The following EPG5 variants were observed in gnomAD, a reference collection of about 807,000 sequenced individuals.
EPG5 encodes ectopic P-granules 5 autophagy tethering factor.
EPG5 carries 159 observed loss-of-function variants against 302.7 expected under a neutral mutation model. That is an observed-to-expected ratio of 0.53 (90% CI 0.46 to 0.60). The LOEUF is 0.60. EPG5 is among the 20% of genes least tolerant of loss of function. The probability of loss-of-function intolerance (pLI) is 0.00; values close to 1 mark genes in which losing one functional copy is unlikely to be tolerated. For missense variants in EPG5, 2,896 were observed against 3,092.4 expected, an observed-to-expected ratio of 0.94 and a Z score of 1.51; for synonymous variants, 1,158 against 1,136.8, an observed-to-expected ratio of 1.02 and a Z score of -0.37.
intron 35 of EPG5, among the ~76,000 whole-genome samples, chr18:45,871,550 T>C (rs2048872020): frequency 6.6e-6 from 1 of 152,170 alleles, no homozygotes; most frequent in Non-Finnish European, 1.5e-5. Flanking sequence ...AAAAGATGAA[T>C]GGATTTTTCT....
chr18:45,953,855 C>T (rs2050964760), intron 2 of EPG5: 2 of 985,286 alleles, frequency 2.0e-6, no homozygotes, highest in African/African-American at 3.5e-5. Flanking sequence ...CCATGGAGGC[C>T]AAAGTGATCA....
chr18:45,848,720 G>A lies in EPG5; in HGVS notation c.*3747C>T, dbSNP rs1244796408. On this transcript the variant is annotated 3_prime_UTR_variant, in exon 44 of 44. Coordinates refer to ENST00000282041, the MANE Select transcript of EPG5 (RefSeq NM_020964.3). The stretch of plus-strand genomic sequence containing the variant: ...GGGCACACCCCTTTTAGGATAACAC[G>A]GACTAATTTGGACACTTTCCCCAAA... The A allele has an allele frequency of 2.0e-5, 3 of 152,230 alleles. No homozygotes were observed. Among genetic ancestry groups the A allele is most frequent in the African/African-American group, 7.2e-5 (3 of 41,452 alleles). 9.4% of individuals were successfully genotyped at this position (152,230 alleles called of 1,614,324 possible).
chr18:45,873,034 A>G (rs934868938), intron 35 of EPG5, among the ~76,000 whole-genome samples: 2 of 152,190 alleles, frequency 1.3e-5, no homozygotes, highest in African/African-American at 4.8e-5. Flanking sequence ...GAGCTAGTGG[A>G]TCAGATAACC....
chr18:45,913,624 A>G lies in EPG5; in HGVS notation c.3816+82T>C, dbSNP rs77613793. ...CATTCACAACAAAATAAAACACAAA[A>G]GCTCAAAAGCTACGGGTGAATCCAT... On this transcript the variant is annotated intron_variant, in intron 21 of 43. Transcript: ENST00000282041. 5.6e-3 allele frequency: 8,551 copies of G among 1,525,484 alleles called. 360 individuals carry two copies. The East Asian group carries it at 0.11, about 20-fold the overall frequency. The allele number at this position is 1,525,484 out of a possible 1,614,324, so 94.5% of individuals were successfully genotyped here.
chr18:45,840,150 G>A, the EPG5 span: 2 of 1,592,298 alleles, frequency 1.3e-6, no homozygotes, highest in Non-Finnish European at 8.6e-7. Flanking sequence ...GTGGGGGTGG[G>A]CGCACAGGCT....
chr18:45,950,792 C>T (rs150933459), intron 4 of EPG5, among the ~76,000 whole-genome samples: 1 of 152,310 alleles, frequency 6.6e-6, no homozygotes, highest in African/African-American at 2.4e-5. Context: ...GAATCCTCAA[C>T]CTGTACCTAT....
At chr18:45,837,623 G>C in the EPG5 span, 11 of 1,508,548 alleles carry the variant, frequency 7.3e-6, no homozygotes, top group Admixed American at 1.9e-4. Context: ...CCACTACGAC[G>C]GGCCGCTGAC....
At chr18:45,825,805 C>T in the EPG5 span, 2 of 1,613,940 alleles carry the variant, frequency 1.2e-6, no homozygotes, top group African/African-American at 1.3e-5. Context: ...CTCTCTCTGG[C>T]CCATGCTCGG....
Position 45,951,200 on chromosome 18 carries a change from G to A in EPG5, c.1291C>T (p.Gln431Ter). Residue 431 changes from glutamine to a stop codon, truncating the protein, a stop_gained, in exon 4 of 44, where the codon CAA becomes TAA. Transcript: ENST00000282041. LOFTEE classifies it high-confidence loss of function. ...QTESIPSDLC[Q>*]LKECISVLFM... is the part of the protein sequence containing the mutation. ...AAGACACTAATGCATTCCTTTAGTT[G>A]ACACAGATCAGAGGGAATGCTTTCT... The A allele has an allele frequency of 6.3e-7, 1 of 1,590,490 alleles. No individual in the cohort carries two copies. The highest frequency in any genetic ancestry group is 8.5e-7 in the Non-Finnish European group (1 of 1,169,950).
chr18:45,836,536 T>G, the EPG5 span, among the ~76,000 whole-genome samples: 1 of 151,912 alleles, frequency 6.6e-6, no homozygotes, highest in East Asian at 1.9e-4. Flanking sequence ...CACCCTGCAG[T>G]TCACCAGCCC....
At chr18:45,881,042 A>T (rs73953906) in intron 31 of EPG5, among the ~76,000 whole-genome samples, 4,880 of 152,282 alleles carry the variant, frequency 0.032, 271 homozygotes, top group African/African-American at 0.11. Context: ...GGGCTCACCC[A>T]GAGGGAATGA....
At chr18:45,847,393 G>A (rs2048374546), downstream of EPG5, among the ~76,000 whole-genome samples, 1 of 152,178 alleles carries the variant, frequency 6.6e-6, no homozygotes, top group Non-Finnish European at 1.5e-5. Flanking sequence ...ACCTCTCTGA[G>A]ATCAGCAGGT....
intron 1 of EPG5, among the ~76,000 whole-genome samples, chr18:45,959,362 C>T (rs963352413): frequency 2.6e-5 from 4 of 151,478 alleles, no homozygotes; most frequent in African/African-American, 7.3e-5. Flanking sequence ...AAATAGGGGC[C>T]GGGCCAGGCA....
In EPG5 at chr18:45,922,613, T is replaced by C. The variant is rs967901506; in HGVS notation, c.2839-13A>G. The C allele has an allele frequency of 6.2e-7, 1 of 1,612,556 alleles. No homozygotes were observed. The highest frequency in any genetic ancestry group is 1.3e-5 in the African/African-American group (1 of 74,850). On this transcript the variant is annotated splice_polypyrimidine_tract_variant and intron_variant, in intron 15 of 43. Transcript: ENST00000282041. ...CCAAATATGAAACCTAAAACAATTATTTATTTTGAGCCACATTAGTCACAC... is the reference window on the plus strand; with the variant it reads ...CCAAATATGAAACCTAAAACAATTACTTATTTTGAGCCACATTAGTCACAC...
intron 6 of EPG5, 46 bp from the exon 7 acceptor site, chr18:45,946,814 G>A (rs759357668): frequency 1.6e-5 from 24 of 1,455,250 alleles, no homozygotes; most frequent in East Asian, 6.8e-5. Context: ...TGTAGGCTAC[G>A]TGAGTGCATT....
chr18:45,862,332 T>C (rs1375251955), intron 39 of EPG5, among the ~76,000 whole-genome samples: 1 of 152,210 alleles, frequency 6.6e-6, no homozygotes, highest in Admixed American at 6.5e-5. Context: ...GCCGTCTTTT[T>C]AAATAACTGT....
the EPG5 span, chr18:45,838,028 C>T: frequency 8.5e-7 from 1 of 1,174,492 alleles, no homozygotes; most frequent in Non-Finnish European, 1.1e-6. Flanking sequence ...CTCCTCTACC[C>T]CAGGGATCTC....
chr18:45,834,919 C>G, the EPG5 span, among the ~76,000 whole-genome samples: 1 of 152,210 alleles, frequency 6.6e-6, no homozygotes, highest in Non-Finnish European at 1.5e-5. Flanking sequence ...GAGATGCTTT[C>G]TGCATCTAGA....
intron 24 of EPG5, 100 bp from the exon 25 acceptor site, chr18:45,904,217 C>T (rs182641544): frequency 2.2e-5 from 30 of 1,364,612 alleles, no homozygotes; most frequent in South Asian, 1.2e-4. Context: ...AGTTTCAACA[C>T]GAAGTGGTCT....
Sources: allele counts gnomAD v4.1 joint callset (sites outside exome capture counted in the v4.1 genomes callset), GRCh38; gene constraint gnomAD v4.1.1; transcripts MANE v1.5; gene names NCBI Gene and HGNC (gene_info 2026-07-23, HGNC 2026-07-21).